Variants in ITGBL1 observed in about 807,000 individuals in gnomAD.
The protein encoded by ITGBL1 is integrin subunit beta like 1, also known as integrin beta-like protein 1.
Under a neutral mutation model 68.5 loss-of-function variants are expected in ITGBL1, and 51 were observed. The ratio of observed to expected loss-of-function variants is 0.74; its 90% CI spans 0.59 to 0.94. The LOEUF is 0.94. ITGBL1 is among the 40% of genes least tolerant of loss of function. ITGBL1 has a pLI of 0.00. For synonymous variants in ITGBL1, 209 were observed against 227.3 expected, an observed-to-expected ratio of 0.92 and a Z score of 0.72; for missense variants, 649 against 647.4, an observed-to-expected ratio of 1.00 and a Z score of -0.03.
intron 2 of ITGBL1, among the ~76,000 whole-genome samples, chr13:101,477,749 A>T (rs188466060): frequency 6.6e-6 from 1 of 152,094 alleles, no homozygotes; most frequent in Non-Finnish European, 1.5e-5. Flanking sequence ...TCCTAGACAC[A>T]TACAACCTAT....
At chr13:101,675,341 G>A (rs2033475853) in intron 7 of ITGBL1, among the ~76,000 whole-genome samples, 1 of 151,940 alleles carries the variant, frequency 6.6e-6, no homozygotes, top group South Asian at 2.1e-4. Flanking sequence ...TTTGGCATTT[G>A]TGTTAGTTTG....
intron 7 of ITGBL1, among the ~76,000 whole-genome samples, chr13:101,687,341 G>A (rs2033777856): frequency 6.6e-6 from 1 of 151,796 alleles, no homozygotes; most frequent in Non-Finnish European, 1.5e-5. Flanking sequence ...AGAAAAAAAT[G>A]TACTCTAAGG....
At chr13:101,699,981 T>A (rs2034097182) in intron 8 of ITGBL1, among the ~76,000 whole-genome samples, 1 of 152,248 alleles carries the variant, frequency 6.6e-6, no homozygotes, top group Non-Finnish European at 1.5e-5. Flanking sequence ...AATGTTCTTG[T>A]CTGGCTTCTC....
intron 2 of ITGBL1, among the ~76,000 whole-genome samples, chr13:101,516,470 G>T (rs1349444666): frequency 6.6e-6 from 1 of 152,134 alleles, no homozygotes; most frequent in Non-Finnish European, 1.5e-5. Context: ...ATCTGATAAT[G>T]TTCACCAGGC....
intron 7 of ITGBL1, among the ~76,000 whole-genome samples, chr13:101,603,499 G>A (rs1432712354): frequency 1.3e-5 from 2 of 151,902 alleles, no homozygotes; most frequent in African/African-American, 4.8e-5. Context: ...TTATAGTGCT[G>A]CATAAGCCAT....
At chr13:101,647,497 A>T (rs1315573938) in intron 7 of ITGBL1, among the ~76,000 whole-genome samples, 1 of 152,188 alleles carries the variant, frequency 6.6e-6, no homozygotes, top group East Asian at 1.9e-4. Flanking sequence ...ACAAAAAAAA[A>T]TATATTTGAA....
intron 2 of ITGBL1, among the ~76,000 whole-genome samples, chr13:101,499,031 A>G (rs2048900359): frequency 6.6e-6 from 1 of 152,054 alleles, no homozygotes; most frequent in South Asian, 2.1e-4. Flanking sequence ...TGATTCAATT[A>G]TCTCCCTCTC....
At position 101,454,398 on chromosome 13, in the gene ITGBL1, GTCCCCC is replaced by G. The variant is rs756268791; in HGVS notation, c.316+299_316+304del. On this transcript the variant is annotated intron_variant, in intron 2 of 10. Coordinates refer to ENST00000376180, the MANE Select transcript of ITGBL1 (RefSeq NM_004791.3). ...GGATCTTGCTATGTTGCCCTGGCTG[GTCCCCC>G]CCCCCCCCCCCAACTCCTGGAATCA... 4.2e-4 allele frequency among the ~76,000 whole-genome samples: 3 copies of G among 7,214 alleles called. No homozygotes were observed. In the South Asian group the frequency reaches 0.021, roughly 49 times the overall value. The allele number at this position is 7,214 out of a possible 152,430, so 4.7% of individuals were successfully genotyped here.
intron 2 of ITGBL1, among the ~76,000 whole-genome samples, chr13:101,454,666 C>T (rs1033711063): frequency 3.3e-5 from 5 of 152,094 alleles, no homozygotes; most frequent in African/African-American, 4.8e-5. Context: ...ACATAGGAAA[C>T]AGTGGGAGGG....
chr13:101,579,829 A>G (rs2050425061), intron 5 of ITGBL1, among the ~76,000 whole-genome samples: 1 of 152,184 alleles, frequency 6.6e-6, no homozygotes, highest in Non-Finnish European at 1.5e-5. Context: ...TCTTGTCTTA[A>G]TTATGAGTAT....
At chr13:101,699,660 G>A (rs1280959880) in intron 8 of ITGBL1, among the ~76,000 whole-genome samples, 3 of 152,166 alleles carry the variant, frequency 2.0e-5, no homozygotes, top group Non-Finnish European at 4.4e-5. Context: ...GCAGAACTGT[G>A]AGTCAATTAA....
intron 2 of ITGBL1, among the ~76,000 whole-genome samples, chr13:101,517,236 G>A (rs1594859919): frequency 6.6e-6 from 1 of 152,090 alleles, no homozygotes; most frequent in Non-Finnish European, 1.5e-5. Flanking sequence ...GAGAGGACCT[G>A]CATCACCCAG....
intron 4 of ITGBL1, among the ~76,000 whole-genome samples, chr13:101,577,616 A>C (rs935772426): frequency 6.6e-6 from 1 of 152,202 alleles, no homozygotes; most frequent in Non-Finnish European, 1.5e-5. Context: ...AGTAATCCTT[A>C]CTTATGTTGC....
chr13:101,557,814 G>A (rs2050031984), intron 2 of ITGBL1, among the ~76,000 whole-genome samples: 1 of 152,050 alleles, frequency 6.6e-6, no homozygotes, highest in African/African-American at 2.4e-5. Context: ...TGAGGGGCCG[G>A]GCACGGTGGC....
At chr13:101,466,465 G>T (rs1015632814) in intron 2 of ITGBL1, among the ~76,000 whole-genome samples, 1 of 152,068 alleles carries the variant, frequency 6.6e-6, no homozygotes, top group African/African-American at 2.4e-5. Context: ...CTAAATTTTG[G>T]CTTCTAATCT....
At chr13:101,701,710 T>C (rs1396636655) in intron 8 of ITGBL1, among the ~76,000 whole-genome samples, 1 of 152,086 alleles carries the variant, frequency 6.6e-6, no homozygotes, top group Non-Finnish European at 1.5e-5. Flanking sequence ...GAAGGATCTT[T>C]AAGATATGTT....
intron 2 of ITGBL1, among the ~76,000 whole-genome samples, chr13:101,466,362 A>G (rs1320043486): frequency 6.6e-6 from 1 of 152,210 alleles, no homozygotes. Flanking sequence ...TTCAAAGATC[A>G]TTCTAACCAT....
chr13:101,473,448 A>C (rs772703665), intron 2 of ITGBL1, among the ~76,000 whole-genome samples: 34 of 152,222 alleles, frequency 2.2e-4, no homozygotes, highest in Non-Finnish European at 2.5e-4. Context: ...GCCTACAGAC[A>C]GATCATTTTG....
At chr13:101,648,789 T>C (rs1299174995) in intron 7 of ITGBL1, among the ~76,000 whole-genome samples, 5 of 152,070 alleles carry the variant, frequency 3.3e-5, no homozygotes, top group Non-Finnish European at 5.9e-5. Context: ...TTTCAAAAAT[T>C]GATCTACAGT....
Sources: gnomAD v4.1 joint callset for allele counts (sites outside exome capture counted in the v4.1 genomes callset) on GRCh38, gnomAD v4.1.1 for gene constraint, MANE v1.5 for transcripts, NCBI Gene and HGNC (gene_info 2026-07-23, HGNC 2026-07-21) for gene names.